The following IQSEC1 variants were observed in gnomAD, a reference collection of about 807,000 sequenced individuals.
IQSEC1 encodes IQ motif and Sec7 domain ArfGEF 1, also known as IQ motif and SEC7 domain-containing protein 1.
Under a neutral mutation model 91.0 loss-of-function variants are expected in IQSEC1, and 31 were observed. That is an observed-to-expected ratio of 0.34 (90% CI 0.26 to 0.46). The LOEUF is 0.46. IQSEC1 is among the 20% of genes least tolerant of loss of function. IQSEC1 has a pLI of 1.00. For missense variants in IQSEC1, 1,388 were observed against 1,575.6 expected, an observed-to-expected ratio of 0.88 and a Z score of 2.02; for synonymous variants, 699 against 662.6, an observed-to-expected ratio of 1.05 and a Z score of -0.84.
In IQSEC1 at chr3:12,967,496, G is replaced by A; in HGVS notation, c.24-25631C>T. 6.8e-7 allele frequency: 1 copy of A among 1,461,324 alleles called. No individual in the cohort carries two copies. The highest frequency in any genetic ancestry group is 2.9e-5 in the East Asian group (1 of 34,574). 90.5% of individuals were successfully genotyped at this position (1,461,324 alleles called of 1,614,324 possible). The stretch of plus-strand genomic sequence containing the variant: ...GGCCGGGCCGGGAGCCGGGACCCAG[G>A]CCCAGCAGAGGCCGCCGACTCCCGC... On this transcript the variant is annotated intron_variant, in intron 1 of 13. Transcript: ENST00000613206. The surrounding 1 kb of genome is among the most constrained non-coding windows in gnomAD (Gnocchi z 5.9).
chr3:12,901,687 CCT>C (rs1432958106), intron 13 of IQSEC1, among the ~76,000 whole-genome samples, 165 bp from the exon 14 acceptor site: 2 of 151,814 alleles, frequency 1.3e-5, no homozygotes, highest in African/African-American at 4.8e-5. Context: ...GGCCCCGCCT[CCT>C]CTCACTACAG....
At chr3:13,028,456 C>T (rs779560922) in intron 1 of IQSEC1, among the ~76,000 whole-genome samples, 3 of 152,214 alleles carry the variant, frequency 2.0e-5, no homozygotes, top group African/African-American at 7.2e-5. Flanking sequence ...AAACAGGATC[C>T]TGAGCAGCTC....
At chr3:13,160,709 C>A (rs1301103827) in intron 2 of IQSEC1, among the ~76,000 whole-genome samples, 1 of 152,190 alleles carries the variant, frequency 6.6e-6, no homozygotes. Context: ...TGAGTCCAAT[C>A]AAACACACAT....
At chr3:13,272,862 T>C (rs1266410475) in intron 1 of IQSEC1, among the ~76,000 whole-genome samples, 3 of 152,204 alleles carry the variant, frequency 2.0e-5, no homozygotes, top group Admixed American at 6.5e-5. Flanking sequence ...TAACACATCG[T>C]ACAAAGGGTT....
intron 1 of IQSEC1, among the ~76,000 whole-genome samples, chr3:13,191,162 G>A (rs1400361856): frequency 1.3e-5 from 2 of 152,280 alleles, no homozygotes; most frequent in East Asian, 3.9e-4. Context: ...TAAGACGTGG[G>A]GCTTCAGGTT....
At position 12,908,009 on chromosome 3, in the gene IQSEC1, C is replaced by T. The variant is rs1294953781; in HGVS notation, c.2755+340G>A. On this transcript the variant is annotated intron_variant, in intron 12 of 13. Coordinates refer to ENST00000613206, the MANE Select transcript of IQSEC1 (RefSeq NM_001134382.3). This position sits in a 1 kb window ranked among gnomAD's most constrained non-coding sequence, Gnocchi z 4.9. ...CAGGGACGCGGCCGCACAGAGAGCA[C>T]GGGACACAGCCGCCGGCTCACTCGG... Among the ~76,000 whole-genome samples the T allele has an allele frequency of 6.6e-6, 1 of 152,128 alleles. No individual in the cohort carries two copies. Among genetic ancestry groups the T allele is most frequent in the African/African-American group, 2.4e-5 (1 of 41,416 alleles).
chr3:13,105,594 C>G (rs1171556162), intron 2 of IQSEC1, among the ~76,000 whole-genome samples: 2 of 152,308 alleles, frequency 1.3e-5, no homozygotes, highest in East Asian at 3.9e-4. Flanking sequence ...CACACACACA[C>G]TCTCCTTCCC....
intron 2 of IQSEC1, among the ~76,000 whole-genome samples, chr3:13,104,402 C>T (rs1417990534): frequency 6.6e-6 from 1 of 152,142 alleles, no homozygotes; most frequent in Non-Finnish European, 1.5e-5. Context: ...ATTCCACTTC[C>T]ATCTTCCTTT....
chr3:13,201,011 C>G (rs1694234533), intron 1 of IQSEC1, among the ~76,000 whole-genome samples: 1 of 152,204 alleles, frequency 6.6e-6, no homozygotes, highest in Non-Finnish European at 1.5e-5. Flanking sequence ...AGCCCTGCCT[C>G]ACTGCACAGC....
intron 2 of IQSEC1, among the ~76,000 whole-genome samples, chr3:13,109,287 C>T (rs1706202644): frequency 6.6e-6 from 1 of 152,184 alleles, no homozygotes; most frequent in Non-Finnish European, 1.5e-5. Flanking sequence ...ACTCTTTTTT[C>T]TTCTTCTTTT....
chr3:13,034,368 C>A (rs932411242), intron 1 of IQSEC1, among the ~76,000 whole-genome samples: 1 of 152,240 alleles, frequency 6.6e-6, no homozygotes, highest in Non-Finnish European at 1.5e-5. Flanking sequence ...TTACCAAGAG[C>A]AAGAAGTGTT....
chr3:13,266,405 T>A (rs1011656483), intron 1 of IQSEC1, among the ~76,000 whole-genome samples: 17 of 152,122 alleles, frequency 1.1e-4, no homozygotes, highest in African/African-American at 4.1e-4. Flanking sequence ...AACGCCAGCC[T>A]CTTACAGGCT....
intron 1 of IQSEC1, among the ~76,000 whole-genome samples, chr3:12,956,471 T>C (rs539263740): frequency 1.7e-4 from 26 of 152,124 alleles, no homozygotes; most frequent in Non-Finnish European, 3.5e-4. Flanking sequence ...TCTAGCAAAT[T>C]AATACCGTCG....
chr3:13,073,190 G>A lies in IQSEC1; in HGVS notation c.-176C>T. ...TCCAGGGAGGCTGGGGCGGGAGCGGGGGGCGGCGCCAGCAGCGGGCTGTGG... is the reference window on the plus strand; with the variant it reads ...TCCAGGGAGGCTGGGGCGGGAGCGGAGGGCGGCGCCAGCAGCGGGCTGTGG... On this transcript the variant is annotated 5_prime_UTR_variant, in exon 1 of 14. Transcript: ENST00000613206. 1.4e-6 allele frequency: 1 copy of A among 704,556 alleles called. No homozygotes were observed. The highest frequency in any genetic ancestry group is 2.3e-5 in the Admixed American group (1 of 43,506). 43.6% of individuals were successfully genotyped at this position (704,556 alleles called of 1,614,324 possible).
At chr3:12,953,181 G>A (rs761743175) in intron 1 of IQSEC1, among the ~76,000 whole-genome samples, 26 of 152,344 alleles carry the variant, frequency 1.7e-4, no homozygotes, top group South Asian at 6.2e-4. Context: ...GTGCCTGGCT[G>A]CAGGGAGCAC....
intron 2 of IQSEC1, among the ~76,000 whole-genome samples, chr3:12,937,978 C>T (rs146990319): frequency 8.5e-5 from 13 of 152,246 alleles, no homozygotes; most frequent in African/African-American, 1.2e-4. Flanking sequence ...GGTGCTTCAG[C>T]GGGACACACA....
At chr3:12,934,742 G>C (rs749640055) in intron 3 of IQSEC1, among the ~76,000 whole-genome samples, 2 of 152,156 alleles carry the variant, frequency 1.3e-5, no homozygotes, top group Non-Finnish European at 2.9e-5. Flanking sequence ...AGAATAGTCT[G>C]CTTTAAATAC....
chr3:13,168,057 G>C (rs1383672555), intron 1 of IQSEC1, among the ~76,000 whole-genome samples: 1 of 152,244 alleles, frequency 6.6e-6, no homozygotes, highest in African/African-American at 2.4e-5. Context: ...CATGGCAACA[G>C]TCAGGTGGAT....
At chr3:12,972,086 T>TG (rs1700930232) in intron 1 of IQSEC1, among the ~76,000 whole-genome samples, 1 of 75,990 alleles carries the variant, frequency 1.3e-5, no homozygotes, top group African/African-American at 6.0e-5. Context: ...ACCAATGCAA[T>TG]TTTTTTTTTT....
Sources: gnomAD v4.1 joint callset for allele counts (sites outside exome capture counted in the v4.1 genomes callset) on GRCh38, gnomAD v4.1.1 for gene constraint, Gnocchi (gnomAD v3.1) non-coding constraint, MANE v1.5 for transcripts, NCBI Gene and HGNC (gene_info 2026-07-23, HGNC 2026-07-21) for gene names.